NUBPL: variants seen among roughly 807,000 people sequenced by gnomAD.
The protein encoded by NUBPL is iron-sulfur cluster transfer protein NUBPL.
Under a neutral mutation model 45.7 loss-of-function variants are expected in NUBPL, and 31 were observed. The ratio of observed to expected loss-of-function variants is 0.68; its 90% confidence interval spans 0.51 to 0.92. The LOEUF (loss-of-function observed/expected upper bound fraction) is 0.92. NUBPL is among the 40% of genes least tolerant of loss of function. The pLI is 0.00. For synonymous variants in NUBPL, 144 were observed against 140.9 expected (o/e 1.02, Z -0.15); for missense variants, 401 against 398.7 (o/e 1.01, Z -0.05).
At chr14:31,744,708 G>A (rs570982515) in intron 6 of NUBPL, among the ~76,000 whole-genome samples, 2 of 136,696 alleles carry the variant, frequency 1.5e-5, no homozygotes, top group Non-Finnish European at 3.0e-5. Flanking sequence ...TGCAACCTCC[G>A]CCTCCTAGGT....
At chr14:31,834,405 T>G (rs1179932591) in intron 8 of NUBPL, among the ~76,000 whole-genome samples, 1 of 152,068 alleles carries the variant, frequency 6.6e-6, no homozygotes. Context: ...GGTCTCGATC[T>G]CCTGACTTCA....
chr14:31,762,259 A>G (rs1357607824), intron 6 of NUBPL, among the ~76,000 whole-genome samples: 3 of 152,236 alleles, frequency 2.0e-5, no homozygotes, highest in African/African-American at 4.8e-5. Context: ...AGTTGAAATC[A>G]TATTCAGGAA....
At position 31,808,072 on chromosome 14, in the gene NUBPL, G is replaced by A. The variant is rs886977093; in HGVS notation, c.608-18557G>A. Among the ~76,000 whole-genome samples the A allele has an allele frequency of 3.9e-5, 6 of 152,146 alleles. No individual in the cohort carries two copies. In the South Asian group the frequency reaches 8.3e-4, roughly 21 times the overall value. On this transcript the variant is annotated intron_variant, in intron 7 of 10. Transcript: ENST00000281081. The stretch of plus-strand genomic sequence containing the variant: ...CAGGTGGCGTGATGCCTCCAACTTC[G>A]TTCTTTTGGCTTAGGATTGACTTGG...
chr14:31,673,389 T>C lies in NUBPL; in HGVS notation c.417T>C (p.Ile139=), dbSNP rs1487198015. The change falls in exon 5 of 11, where the codon ATT becomes ATC. Residue 139 remains isoleucine, a synonymous_variant. Transcript: ENST00000281081. ...NLMRPLLNYG[I]ACMSMGFLVE... ...TGAGGCCTCTCTTGAATTATGGTAT[T>C]GCTTGGTGAGCATATATATATTTTT... is the stretch of plus-strand genomic sequence containing the variant. The C allele has an allele frequency of 6.2e-7, 1 of 1,609,106 alleles. No homozygotes were observed. The highest frequency in any genetic ancestry group is 1.3e-5 in the African/African-American group (1 of 74,774).
intron 6 of NUBPL, among the ~76,000 whole-genome samples, chr14:31,711,314 A>G (rs2037565644): frequency 6.6e-6 from 1 of 152,114 alleles, no homozygotes; most frequent in Non-Finnish European, 1.5e-5. Context: ...CCTTCCCAGA[A>G]AGCCTGACAC....
intron 3 of NUBPL, among the ~76,000 whole-genome samples, chr14:31,581,867 TTAACTAG>T (rs1363071796): frequency 4.6e-5 from 7 of 152,192 alleles, no homozygotes; most frequent in Non-Finnish European, 8.8e-5. Context: ...AAGTGGCCTT[TTAACTAG>T]TACAATTTAA....
At chr14:31,628,271 G>T (rs966553010) in intron 4 of NUBPL, among the ~76,000 whole-genome samples, 10 of 152,258 alleles carry the variant, frequency 6.6e-5, no homozygotes, top group Non-Finnish European at 1.2e-4. Flanking sequence ...GTATATTGTA[G>T]ACTTTGAAGT....
rs181805331 is a variant in NUBPL, at chr14:31,813,415, C to T, written c.608-13214C>T. On this transcript the variant is annotated intron_variant, in intron 7 of 10. Coordinates refer to ENST00000281081, the MANE Select transcript of NUBPL (RefSeq NM_025152.3). ...CAGATATGTATCCAGATTTCTTTGG[C>T]GAACTTGTATTCTTTTTTGCTATAC... Among the ~76,000 whole-genome samples the T allele has an allele frequency of 4.6e-4, 69 of 151,102 alleles. No individual in the cohort carries two copies. In the East Asian group the frequency reaches 0.011, roughly 23 times the overall value.
intron 6 of NUBPL, among the ~76,000 whole-genome samples, chr14:31,700,065 T>A (rs1210554404): frequency 1.3e-5 from 2 of 152,202 alleles, no homozygotes; most frequent in African/African-American, 4.8e-5. Flanking sequence ...GCAGTTATTA[T>A]TTGTCAATTA....
At chr14:31,683,363 T>G (rs2036878964) in intron 6 of NUBPL, among the ~76,000 whole-genome samples, 1 of 139,816 alleles carries the variant, frequency 7.2e-6, no homozygotes, top group South Asian at 2.4e-4. Context: ...TTTTTTTTTT[T>G]TTTTTTTTTT....
At chr14:31,685,362 A>C (rs967546856) in intron 6 of NUBPL, among the ~76,000 whole-genome samples, 20 of 152,222 alleles carry the variant, frequency 1.3e-4, no homozygotes, top group African/African-American at 4.8e-4. Flanking sequence ...CATTTATAAC[A>C]ATACTATGTA....
Position 31,802,061 on chromosome 14 carries a change from TA to T in NUBPL, c.607+14189del, listed in dbSNP as rs1203855464. On this transcript the variant is annotated intron_variant, in intron 7 of 10. Transcript: ENST00000281081. Reference sequence around the variant, plus strand: ...TTATTTGCTAATGTAACATTATTAATAGGTGGGGACTTTAAGAAGTGATTGG... The same window carrying T: ...TTATTTGCTAATGTAACATTATTAATGGTGGGGACTTTAAGAAGTGATTGG... Among the ~76,000 whole-genome samples the T allele has an allele frequency of 5.9e-5, 9 of 152,344 alleles. No individual in the cohort carries two copies. In the East Asian group the frequency reaches 1.7e-3, roughly 29 times the overall value.
intron 4 of NUBPL, among the ~76,000 whole-genome samples, chr14:31,619,742 G>C (rs1303368391): frequency 6.6e-6 from 1 of 152,096 alleles, no homozygotes; most frequent in Non-Finnish European, 1.5e-5. Flanking sequence ...CAACCTTGGT[G>C]AATCCTACGA....
chr14:31,561,699 C>G (rs2033285444), intron 1 of NUBPL, 152 bp downstream of exon 1: 1 of 572,048 alleles, frequency 1.7e-6, no homozygotes, highest in Non-Finnish European at 2.9e-6. Flanking sequence ...CAGGCCCAGG[C>G]TGAGGCGTGG....
At chr14:31,773,504 A>G (rs1003938036) in intron 6 of NUBPL, among the ~76,000 whole-genome samples, 1 of 152,132 alleles carries the variant, frequency 6.6e-6, no homozygotes, top group African/African-American at 2.4e-5. Context: ...GTTACATATA[A>G]AAAAATTATC....
intron 3 of NUBPL, among the ~76,000 whole-genome samples, chr14:31,578,713 GTCTC>G (rs1298084310): frequency 2.6e-5 from 4 of 152,108 alleles, no homozygotes; most frequent in African/African-American, 9.7e-5. Flanking sequence ...TCTTCAGAAA[GTCTC>G]TCTCTCTTGT....
chr14:31,708,767 G>A (rs886837736), intron 6 of NUBPL, among the ~76,000 whole-genome samples: 8 of 152,210 alleles, frequency 5.3e-5, no homozygotes, highest in East Asian at 1.9e-4. Flanking sequence ...CGCTTGTTCC[G>A]GGCACCCTCA....
rs576242540 is a variant in NUBPL, at chr14:31,585,548, C to T, written c.292-13741C>T. Among the ~76,000 whole-genome samples, 4 of 152,272 alleles carry T rather than the reference C, an allele frequency of 2.6e-5. No individual in the cohort carries two copies. In the East Asian group the frequency reaches 5.8e-4, roughly 22 times the overall value. Reference sequence around the variant, plus strand: ...TCGTGTGTACGTATGTTTCAGTTCTCTTAGATATATACCTAGCAATGGAAT... The same window carrying T: ...TCGTGTGTACGTATGTTTCAGTTCTTTTAGATATATACCTAGCAATGGAAT... On this transcript the variant is annotated intron_variant, in intron 3 of 10. Coordinates refer to ENST00000281081, the MANE Select transcript of NUBPL (RefSeq NM_025152.3).
At chr14:31,822,195 T>C (rs2040028892) in intron 7 of NUBPL, among the ~76,000 whole-genome samples, 1 of 152,198 alleles carries the variant, frequency 6.6e-6, no homozygotes, top group South Asian at 2.1e-4. Flanking sequence ...TTTAATTGTA[T>C]TGGTTATAAC....
Sources: gnomAD v4.1 joint callset for allele counts (sites outside exome capture counted in the v4.1 genomes callset) on GRCh38, gnomAD v4.1.1 for gene constraint, MANE v1.5 for transcripts, NCBI Gene and HGNC (gene_info 2026-07-23, HGNC 2026-07-21) for gene names.